PIP4K2A: variants seen among roughly 807,000 people sequenced by gnomAD.
PIP4K2A encodes the protein phosphatidylinositol-5-phosphate 4-kinase type 2 alpha.
Under a neutral mutation model 42.9 loss-of-function variants are expected in PIP4K2A, and 14 were observed. That is an observed-to-expected ratio of 0.33 (90% CI 0.22 to 0.51). The LOEUF is 0.51. Ranked by LOEUF, PIP4K2A falls within the 20% of genes least tolerant of loss-of-function variation. PIP4K2A has a pLI of 0.97. For synonymous variants in PIP4K2A, 192 were observed against 192.2 expected, an observed-to-expected ratio of 1.00 and a Z score of 0.01; for missense variants, 434 against 519.8, an observed-to-expected ratio of 0.83 and a Z score of 1.61.
At chr10:22,561,356 A>G (rs1836689459) in intron 6 of PIP4K2A, among the ~76,000 whole-genome samples, 1 of 152,236 alleles carries the variant, frequency 6.6e-6, no homozygotes. Context: ...AATGCAAATC[A>G]CACTAATTAC....
rs55877443 is a variant in PIP4K2A, at chr10:22,601,150, AAAAAAAAAAAAAAC to A, written c.339+6763_339+6776del. 4.5e-4 allele frequency among the ~76,000 whole-genome samples: 64 copies of A among 142,158 alleles called. 1 individual carries two copies. In the East Asian group the frequency reaches 6.4e-3, roughly 14 times the overall value. The allele number at this position is 142,158 out of a possible 152,430, so 93.3% of individuals were successfully genotyped here. On this transcript the variant is annotated intron_variant, in intron 3 of 9. Transcript: ENST00000376573. Reference sequence around the variant, plus strand: ...TGTCTCAAAAAAAAAAAAAAAAAAAAAAAAAAAAAAAAACAAACCAGGAACATGTCCCCAAGGCT... The same window carrying A: ...TGTCTCAAAAAAAAAAAAAAAAAAAAAAACCAGGAACATGTCCCCAAGGCT...
chr10:22,666,215 T>C (rs1007792057), intron 1 of PIP4K2A, among the ~76,000 whole-genome samples: 14 of 152,218 alleles, frequency 9.2e-5, no homozygotes, highest in Admixed American at 1.3e-4. Context: ...CAGAAAAGAA[T>C]ACATTACACA....
chr10:22,647,935 A>G (rs368155522), intron 1 of PIP4K2A, among the ~76,000 whole-genome samples: 3 of 152,382 alleles, frequency 2.0e-5, no homozygotes, highest in African/African-American at 7.2e-5. Context: ...CAAGAAAAGC[A>G]TTTAGAAGAT....
intron 6 of PIP4K2A, 63 bp from the exon 7 acceptor site, chr10:22,550,835 A>C (rs1588619260): frequency 1.0e-6 from 1 of 971,204 alleles, no homozygotes; most frequent in Non-Finnish European, 1.7e-6. Context: ...AACCACATAC[A>C]CCTTCCAACC....
intron 3 of PIP4K2A, among the ~76,000 whole-genome samples, chr10:22,606,430 G>A (rs535281171): frequency 6.6e-6 from 1 of 152,340 alleles, no homozygotes; most frequent in South Asian, 2.1e-4. Context: ...TGTACACAGA[G>A]CCTCAGCTCA....
intron 1 of PIP4K2A, among the ~76,000 whole-genome samples, chr10:22,700,307 G>C (rs1833690416): frequency 6.6e-6 from 1 of 152,184 alleles, no homozygotes. Flanking sequence ...CTGCATTATA[G>C]AAGCATGTAT....
chr10:22,680,644 A>C (rs565964243), intron 1 of PIP4K2A, among the ~76,000 whole-genome samples: 1 of 152,210 alleles, frequency 6.6e-6, no homozygotes, highest in Non-Finnish European at 1.5e-5. Flanking sequence ...GCTTAAAACC[A>C]CTGCCATTTT....
At chr10:22,696,320 A>G (rs1370542432) in intron 1 of PIP4K2A, among the ~76,000 whole-genome samples, 2 of 152,206 alleles carry the variant, frequency 1.3e-5, no homozygotes, top group Non-Finnish European at 2.9e-5. Context: ...GACATGCCCA[A>G]CTGTTATAAG....
chr10:22,657,987 T>C (rs930804333), intron 1 of PIP4K2A, among the ~76,000 whole-genome samples: 3 of 152,188 alleles, frequency 2.0e-5, no homozygotes, highest in Middle Eastern at 3.2e-3. Flanking sequence ...GAAACCCTAC[T>C]GAGATCACTG....
At chr10:22,678,656 C>T (rs1477357395) in intron 1 of PIP4K2A, among the ~76,000 whole-genome samples, 1 of 152,184 alleles carries the variant, frequency 6.6e-6, no homozygotes, top group Admixed American at 6.5e-5. Flanking sequence ...GACTGGAGTG[C>T]TCAAATTCTA....
Position 22,604,399 on chromosome 10 carries a change from C to T in PIP4K2A, c.339+3528G>A, listed in dbSNP as rs73598579. ...AGGTGGTCACACAAACAAGACAAGTCGGGACCATTTACCCACTTGGCTGAA... is the reference window on the plus strand; with the variant it reads ...AGGTGGTCACACAAACAAGACAAGTTGGGACCATTTACCCACTTGGCTGAA... On this transcript the variant is annotated intron_variant, in intron 3 of 9. Coordinates refer to ENST00000376573, the MANE Select transcript of PIP4K2A (RefSeq NM_005028.5). Among the ~76,000 whole-genome samples, 1,286 of 151,984 alleles carry T rather than the reference C, an allele frequency of 8.5e-3. 21 individuals carry two copies. Among genetic ancestry groups the T allele is most frequent in the African/African-American group, 0.028 (1,166 of 41,398 alleles).
At chr10:22,605,048 C>T (rs970143508) in intron 3 of PIP4K2A, among the ~76,000 whole-genome samples, 2 of 152,198 alleles carry the variant, frequency 1.3e-5, no homozygotes, top group Non-Finnish European at 2.9e-5. Flanking sequence ...ATTTACGATC[C>T]TGTTTTCAGC....
intron 5 of PIP4K2A, 72 bp from the exon 6 acceptor site, chr10:22,567,961 T>A: frequency 7.3e-7 from 1 of 1,378,102 alleles, no homozygotes; most frequent in South Asian, 1.2e-5. Context: ...AATATGAAAA[T>A]GGCTCCAGGC....
intron 6 of PIP4K2A, among the ~76,000 whole-genome samples, chr10:22,563,189 G>A (rs1194514707): frequency 1.3e-5 from 2 of 152,074 alleles, no homozygotes; most frequent in Non-Finnish European, 2.9e-5. Flanking sequence ...AATATAGAAG[G>A]GTGGGTGGGG....
chr10:22,609,355 T>C (rs1185318441), intron 2 of PIP4K2A, among the ~76,000 whole-genome samples: 1 of 152,210 alleles, frequency 6.6e-6, no homozygotes, highest in African/African-American at 2.4e-5. Flanking sequence ...ATTTACAGCT[T>C]CAAAAATTTG....
At chr10:22,672,773 C>G (rs944722040) in intron 1 of PIP4K2A, among the ~76,000 whole-genome samples, 8 of 152,176 alleles carry the variant, frequency 5.3e-5, no homozygotes, top group African/African-American at 1.9e-4. Context: ...GTCACACCAA[C>G]CGTAATTTAG....
In PIP4K2A at chr10:22,539,897, G is replaced by A. The variant is rs541540242; in HGVS notation, c.1140+74C>T. On this transcript the variant is annotated intron_variant, in intron 9 of 9. Coordinates refer to ENST00000376573, the MANE Select transcript of PIP4K2A (RefSeq NM_005028.5). The stretch of plus-strand genomic sequence containing the variant: ...ACACAGAGGAGCCAGGAGAGAGAGA[G>A]AGAGAGAGAGAGAGGGAGAGAGAGA... 14 of 684,296 alleles carry A rather than the reference G, an allele frequency of 2.0e-5. No individual in the cohort carries two copies. In the East Asian group the frequency reaches 3.9e-4, roughly 19 times the overall value. The allele number at this position is 684,296 out of a possible 1,614,324, so 42.4% of individuals were successfully genotyped here.
chr10:22,643,832 A>C (rs1838828480), intron 1 of PIP4K2A, among the ~76,000 whole-genome samples: 1 of 151,854 alleles, frequency 6.6e-6, no homozygotes, highest in African/African-American at 2.4e-5. Flanking sequence ...CTCCTCCCTG[A>C]AGCGGTCATC....
intron 1 of PIP4K2A, among the ~76,000 whole-genome samples, chr10:22,687,203 T>C (rs1839783379): frequency 6.6e-6 from 1 of 151,116 alleles, no homozygotes. Context: ...AAACCCTTCC[T>C]GAGACCCTGC....
Sources: gnomAD v4.1 joint callset for allele counts (sites outside exome capture counted in the v4.1 genomes callset) on GRCh38, gnomAD v4.1.1 for gene constraint, MANE v1.5 for transcripts, NCBI Gene and HGNC (gene_info 2026-07-23, HGNC 2026-07-21) for gene names.